The following AASS variants were observed in gnomAD, a reference collection of about 807,000 sequenced individuals.
AASS encodes aminoadipate-semialdehyde synthase, also known as alpha-aminoadipic semialdehyde synthase, mitochondrial.
In AASS, 86 loss-of-function variants were observed where a neutral mutation model predicts 105.4. The observed-to-expected ratio is 0.82, with a 90% CI of 0.69 to 0.98. The LOEUF is 0.98. Among genes scored for constraint, AASS ranks in the 50% least tolerant of loss-of-function variants. AASS has a pLI of 0.00. For synonymous variants in AASS, 381 were observed against 394.8 expected, an observed-to-expected ratio of 0.96 and a Z score of 0.41; for missense variants, 1,048 against 1,143.2, an observed-to-expected ratio of 0.92 and a Z score of 1.20.
chr7:122,110,440 T>G (rs1280989187), intron 11 of AASS, among the ~76,000 whole-genome samples: 2 of 151,886 alleles, frequency 1.3e-5, no homozygotes, highest in Admixed American at 1.3e-4. Context: ...TGAACATTCT[T>G]AAGTTTTTAA....
intron 15 of AASS, among the ~76,000 whole-genome samples, chr7:122,097,889 G>A (rs1231202686): frequency 2.0e-5 from 3 of 151,922 alleles, no homozygotes; most frequent in South Asian, 2.1e-4. Context: ...GACAAATACC[G>A]AAATGTGTAT....
chr7:122,091,842 A>G lies in AASS; in HGVS notation c.1877T>C (p.Ile626Thr). ...ACCACAGTAGGAAATATATGATTCA[A>G]TCTATAAATTAAAGAATCAATAAAT... Reference protein sequence around the residue: ...IDKAKEVGATIESYISYCGGL... With the variant: ...IDKAKEVGATTESYISYCGGL... The change falls in exon 18 of 24, where the codon ATT becomes ACT. Residue 626 changes from isoleucine to threonine, a missense_variant and splice_region_variant. By Grantham distance (89) the Ile-to-Thr change is moderately conservative (BLOSUM62 -1). Transcript: ENST00000417368. 6.3e-7 allele frequency: 1 copy of G among 1,591,562 alleles called. No individual in the cohort carries two copies. Among genetic ancestry groups the G allele is most frequent in the Non-Finnish European group, 8.6e-7 (1 of 1,160,554 alleles).
intron 11 of AASS, 55 bp downstream of exon 11, chr7:122,113,063 T>G (rs1287283486): frequency 2.2e-6 from 3 of 1,373,024 alleles, no homozygotes; most frequent in Admixed American, 3.4e-5. Flanking sequence ...ACAGAATTAC[T>G]CAATTATTCA....
chr7:122,091,665 G>A (rs201338472), intron 18 of AASS, 38 bp downstream of exon 18: 1 of 1,612,900 alleles, frequency 6.2e-7, no homozygotes, highest in Non-Finnish European at 8.5e-7. Context: ...GGCTGTTATT[G>A]CAGGTTGATA....
intron 1 of AASS, among the ~76,000 whole-genome samples, chr7:122,142,624 A>T (rs1281160295): frequency 6.6e-6 from 1 of 152,232 alleles, no homozygotes; most frequent in Non-Finnish European, 1.5e-5. Context: ...CTTAGATCAG[A>T]TGAATGTGGT....
chr7:122,087,693 C>G (rs1584819155), intron 18 of AASS, among the ~76,000 whole-genome samples: 2 of 152,282 alleles, frequency 1.3e-5, no homozygotes, highest in Non-Finnish European at 2.9e-5. Flanking sequence ...AAGACACCAT[C>G]TCTTAAAAAC....
rs1334334192 is a variant in AASS at position 122,074,000 on chromosome 7, T to A, written c.*2489A>T. Among the ~76,000 whole-genome samples the A allele has an allele frequency of 6.6e-6, 1 of 152,104 alleles. No homozygotes were observed. The highest frequency in any genetic ancestry group is 1.5e-5 in the Non-Finnish European group (1 of 68,036). On this transcript the variant is annotated 3_prime_UTR_variant, in exon 24 of 24. Coordinates refer to ENST00000417368, the MANE Select transcript of AASS (RefSeq NM_005763.4). ...TGTTAGTTGATAGAAATTAGGGCTG[T>A]TTCAATTTTGGGCTATTATAAATAA...
chr7:122,116,727 C>A lies in AASS; in HGVS notation c.800G>T (p.Arg267Leu). The change falls in exon 8 of 24, where the codon CGT becomes CTT. Residue 267 changes from arginine (R) to leucine (L), a missense_variant. Transcript: ENST00000417368. ...TGTTTTCCTGACAAGATGATGATGACGACTTAACACCGTCCCATACACTTT... is the reference window on the plus strand; with the variant it reads ...TGTTTTCCTGACAAGATGATGATGAAGACTTAACACCGTCCCATACACTTT... ...LRKVYGTVLS[R>L]HHHLVRKTDA... is the part of the protein sequence containing the mutation. 6.2e-7 allele frequency: 1 copy of A among 1,614,012 alleles called. No individual in the cohort carries two copies. The highest frequency in any genetic ancestry group is 8.5e-7 in the Non-Finnish European group (1 of 1,179,978).
In AASS at chr7:122,130,899, A is replaced by G. The variant is rs573676187; in HGVS notation, c.211-1362T>C. On this transcript the variant is annotated intron_variant, in intron 2 of 23. Coordinates refer to ENST00000417368, the MANE Select transcript of AASS (RefSeq NM_005763.4). The stretch of plus-strand genomic sequence containing the variant: ...AAATGAAATCTCTCTAAGAACTTAC[A>G]TAGAGCAATGTTCAAGATATGTTGT... Among the ~76,000 whole-genome samples, 299 of 152,102 alleles carry G rather than the reference A, an allele frequency of 2.0e-3. 1 individual carries two copies. The highest frequency in any genetic ancestry group is 6.7e-3 in the African/African-American group (280 of 41,572).
At chr7:122,136,457 A>G (rs1325945548) in intron 1 of AASS, among the ~76,000 whole-genome samples, 2 of 152,352 alleles carry the variant, frequency 1.3e-5, no homozygotes, top group East Asian at 1.9e-4. Flanking sequence ...AAAATAGATT[A>G]TCAACATTTC....
chr7:122,077,321 G>A (rs1384765839), intron 23 of AASS, among the ~76,000 whole-genome samples: 1 of 152,124 alleles, frequency 6.6e-6, no homozygotes, highest in Non-Finnish European at 1.5e-5. Flanking sequence ...AATATTTATT[G>A]AGTACTAATA....
At chr7:122,091,244 G>T (rs1793883813) in intron 18 of AASS, among the ~76,000 whole-genome samples, 1 of 152,060 alleles carries the variant, frequency 6.6e-6, no homozygotes, top group South Asian at 2.1e-4. Context: ...AGCTGGGGAA[G>T]AAATTATAGT....
chr7:122,098,411 C>T, intron 15 of AASS, 39 bp downstream of exon 15: 4 of 1,608,976 alleles, frequency 2.5e-6, no homozygotes, highest in African/African-American at 2.7e-5. Context: ...AAAGAAATAA[C>T]AACAAAAATA....
chr7:122,089,017 G>A (rs751953280), intron 18 of AASS, among the ~76,000 whole-genome samples: 1 of 151,966 alleles, frequency 6.6e-6, no homozygotes, highest in Non-Finnish European at 1.5e-5. Context: ...CAAATTCATA[G>A]GCCACTGACC....
intron 4 of AASS, among the ~76,000 whole-genome samples, chr7:122,119,544 C>A (rs1316137751): frequency 6.6e-6 from 1 of 152,130 alleles, no homozygotes; most frequent in Non-Finnish European, 1.5e-5. Context: ...TTTCCATGCT[C>A]CTCCATTCCC....
At position 122,140,485 on chromosome 7, in the gene AASS, C is replaced by CAAAAAAAAAAAAAAA. The variant is rs57828681; in HGVS notation, c.-16+3661_-16+3675dup. Among the ~76,000 whole-genome samples the CAAAAAAAAAAAAAAA allele has an allele frequency of 5.4e-3, 200 of 37,292 alleles. 12 individuals carry two copies. Among genetic ancestry groups the CAAAAAAAAAAAAAAA allele is most frequent in the East Asian group, 0.011 (12 of 1,094 alleles). 24.5% of individuals were successfully genotyped at this position (37,292 alleles called of 152,430 possible). ...TGGGCGACAGAGCGAGACTCAGTCTCAAAAAAAAAAAAAAAAAAAAAAAGA... is the reference window on the plus strand; with the variant it reads ...TGGGCGACAGAGCGAGACTCAGTCTCAAAAAAAAAAAAAAAAAAAAAAAAAAAAAAAAAAAAAAGA... On this transcript the variant is annotated intron_variant, in intron 1 of 23. Coordinates refer to ENST00000417368, the MANE Select transcript of AASS (RefSeq NM_005763.4).
intron 20 of AASS, 46 bp downstream of exon 20, chr7:122,081,454 G>T: frequency 7.2e-7 from 1 of 1,389,898 alleles, no homozygotes; most frequent in Non-Finnish European, 1.0e-6. Context: ...ATTTCAGAAG[G>T]TATTTCTGAA....
intron 4 of AASS, among the ~76,000 whole-genome samples, chr7:122,119,452 G>A (rs1462794586): frequency 1.3e-5 from 2 of 152,094 alleles, no homozygotes; most frequent in African/African-American, 4.8e-5. Flanking sequence ...CAATTTGGAT[G>A]TTCTTCAGAA....
intron 4 of AASS, among the ~76,000 whole-genome samples, chr7:122,120,462 T>C (rs1301693597): frequency 6.6e-6 from 1 of 152,066 alleles, no homozygotes; most frequent in Non-Finnish European, 1.5e-5. Context: ...TCTATCAGTC[T>C]ACCTAGATGT....
Sources: allele counts gnomAD v4.1 joint callset (sites outside exome capture counted in the v4.1 genomes callset), GRCh38; gene constraint gnomAD v4.1.1; transcripts MANE v1.5; gene names NCBI Gene and HGNC (gene_info 2026-07-23, HGNC 2026-07-21).